The following NRXN3 variants were observed in gnomAD, a reference collection of about 807,000 sequenced individuals.
NRXN3 encodes neurexin III.
NRXN3 carries 32 observed loss-of-function variants against 137.6 expected under a neutral mutation model. That is an observed-to-expected ratio of 0.23 (90% CI 0.18 to 0.31). The LOEUF is 0.31. Ranked by LOEUF, NRXN3 falls within the 10% of genes least tolerant of loss-of-function variation. NRXN3 has a pLI of 1.00. For missense variants in NRXN3, 1,574 were observed against 2,062.5 expected, an observed-to-expected ratio of 0.76 and a Z score of 4.59; for synonymous variants, 798 against 784.5, an observed-to-expected ratio of 1.02 and a Z score of -0.29.
chr14:79,066,371 A>G (rs994777062), intron 15 of NRXN3, among the ~76,000 whole-genome samples: 10 of 152,160 alleles, frequency 6.6e-5, no homozygotes, highest in African/African-American at 2.4e-4. Context: ...TACCAGTACC[A>G]TGCTGTTTTG....
intron 16 of NRXN3, among the ~76,000 whole-genome samples, chr14:79,636,447 T>TTA (rs2098404131): frequency 6.6e-6 from 1 of 152,200 alleles, no homozygotes; most frequent in African/African-American, 2.4e-5. Context: ...CTGGCTGTCA[T>TTA]TATCAGTTCC....
chr14:78,572,058 A>G (rs1425081412), intron 4 of NRXN3, among the ~76,000 whole-genome samples: 4 of 152,230 alleles, frequency 2.6e-5, no homozygotes, highest in Non-Finnish European at 5.9e-5. Flanking sequence ...CTGGCTATTT[A>G]CATACCTAGC....
At chr14:79,846,376 A>G (rs572114770) in intron 20 of NRXN3, among the ~76,000 whole-genome samples, 53 of 152,278 alleles carry the variant, frequency 3.5e-4, no homozygotes, top group African/African-American at 1.3e-3. Context: ...CAGTTTCCAC[A>G]CCTAATTACA....
At chr14:78,398,322 T>G (rs1176809451) in intron 4 of NRXN3, among the ~76,000 whole-genome samples, 1 of 152,106 alleles carries the variant, frequency 6.6e-6, no homozygotes, top group Non-Finnish European at 1.5e-5. Flanking sequence ...TCTCAGTTCT[T>G]GCTATGATGT....
At chr14:78,983,854 TAAAAAAAAAAAAAAA>T (rs965751583) in intron 14 of NRXN3, among the ~76,000 whole-genome samples, 1 of 105,954 alleles carries the variant, frequency 9.4e-6, no homozygotes, top group African/African-American at 3.3e-5. Context: ...AGATTCCATT[TAAAAAAAAAAAAAAA>T]AAAGAAAAAA....
rs976575720 is a variant in NRXN3, at chr14:79,210,026, A to G, written c.3262+221885A>G. 2.6e-5 allele frequency among the ~76,000 whole-genome samples: 4 copies of G among 152,248 alleles called. No individual in the cohort carries two copies. The East Asian group carries it at 5.8e-4, about 22-fold the overall frequency. On this transcript the variant is annotated intron_variant, in intron 15 of 20. Coordinates refer to ENST00000335750, the MANE Select transcript of NRXN3 (RefSeq NM_001330195.2). Reference sequence around the variant, plus strand: ...TAAGCGTAAGTGAATTTCCCCTTGAATTTACCCTGTGAGTTGCTATTTAAT... The same window carrying G: ...TAAGCGTAAGTGAATTTCCCCTTGAGTTTACCCTGTGAGTTGCTATTTAAT...
intron 8 of NRXN3, among the ~76,000 whole-genome samples, chr14:78,715,572 T>A (rs1477670176): frequency 6.6e-6 from 1 of 152,200 alleles, no homozygotes; most frequent in Non-Finnish European, 1.5e-5. Context: ...TGGAGCTTGC[T>A]GCCTAGTGGA....
At chr14:79,768,892 G>A (rs1435430561) in intron 19 of NRXN3, among the ~76,000 whole-genome samples, 1 of 151,300 alleles carries the variant, frequency 6.6e-6, no homozygotes, top group Non-Finnish European at 1.5e-5. Flanking sequence ...TTAGAAGAAT[G>A]TATAACTAGA....
chr14:79,553,278 C>CAAGA (rs986660080), intron 16 of NRXN3, among the ~76,000 whole-genome samples: 7 of 151,082 alleles, frequency 4.6e-5, no homozygotes, highest in African/African-American at 1.7e-4. Context: ...GCTCCTCTTA[C>CAAGA]AAGAAATGGA....
At chr14:78,375,330 C>T (rs892365812) in intron 4 of NRXN3, among the ~76,000 whole-genome samples, 9 of 152,206 alleles carry the variant, frequency 5.9e-5, no homozygotes, top group Non-Finnish European at 1.3e-4. Flanking sequence ...CCTCTTTCTT[C>T]CAATAAACTA....
intron 4 of NRXN3, among the ~76,000 whole-genome samples, chr14:78,588,286 T>C (rs879234972): frequency 6.6e-6 from 1 of 152,250 alleles, no homozygotes; most frequent in Admixed American, 6.5e-5. Context: ...TGTTCCACCC[T>C]CATCATGTTA....
intron 15 of NRXN3, among the ~76,000 whole-genome samples, chr14:79,283,103 T>C (rs140000852): frequency 6.6e-6 from 1 of 152,230 alleles, no homozygotes; most frequent in African/African-American, 2.4e-5. Context: ...CTAACAGCAA[T>C]TGTTTTAAAA....
rs747087377 is a variant in NRXN3, at chr14:78,645,433, G to A, written c.1059+12G>A. 2.6e-6 allele frequency: 4 copies of A among 1,559,904 alleles called. No homozygotes were observed. The highest frequency in any genetic ancestry group is 1.2e-5 in the South Asian group (1 of 83,948). On this transcript the variant is annotated intron_variant, in intron 5 of 20. Transcript: ENST00000335750. ...GCAACCTCCGGCAGGTAATGGCTGA[G>A]GGGAGAGAATTCCTGGAAGGCTCAT...
chr14:78,589,426 C>T (rs1018778552), intron 4 of NRXN3, among the ~76,000 whole-genome samples: 8 of 152,156 alleles, frequency 5.3e-5, no homozygotes, highest in East Asian at 1.9e-4. Context: ...AGGGCTAACC[C>T]GGTTCATTTC....
chr14:79,719,641 G>A (rs28703040), intron 19 of NRXN3, among the ~76,000 whole-genome samples: 191 of 151,954 alleles, frequency 1.3e-3, no homozygotes, highest in African/African-American at 4.3e-3. Context: ...AATTCCACCC[G>A]TGATCCAACC....
intron 1 of NRXN3, among the ~76,000 whole-genome samples, chr14:78,191,004 C>T (rs747467936): frequency 2.6e-5 from 4 of 152,088 alleles, no homozygotes; most frequent in East Asian, 1.9e-4. Flanking sequence ...GAAAGGAAAT[C>T]GATTTGTTTC....
intron 15 of NRXN3, among the ~76,000 whole-genome samples, chr14:79,339,195 G>T (rs1287153886): frequency 2.0e-5 from 3 of 152,180 alleles, no homozygotes; most frequent in Non-Finnish European, 4.4e-5. Context: ...TATAGCCAAA[G>T]ATGTGGTTAT....
At chr14:79,649,470 C>T (rs1043393241) in intron 16 of NRXN3, among the ~76,000 whole-genome samples, 2 of 152,012 alleles carry the variant, frequency 1.3e-5, no homozygotes, top group Non-Finnish European at 2.9e-5. Context: ...GAAATTTTGC[C>T]ATTATCAAGG....
At chr14:78,201,763 C>G (rs2061698798) in intron 1 of NRXN3, among the ~76,000 whole-genome samples, 1 of 152,238 alleles carries the variant, frequency 6.6e-6, no homozygotes, top group Non-Finnish European at 1.5e-5. Flanking sequence ...AATCTCACCA[C>G]CACGGGCTGG....
Sources: allele counts gnomAD v4.1 joint callset (sites outside exome capture counted in the v4.1 genomes callset), GRCh38; gene constraint gnomAD v4.1.1; transcripts MANE v1.5; gene names NCBI Gene and HGNC (gene_info 2026-07-23, HGNC 2026-07-21).